The following NRG2 variants were observed in gnomAD, a reference collection of about 807,000 sequenced individuals.
The protein encoded by NRG2 is neuregulin 2.
Under a neutral mutation model 73.9 loss-of-function variants are expected in NRG2, and 27 were observed. That is an observed-to-expected ratio of 0.37 (90% confidence interval 0.27 to 0.50). The LOEUF (loss-of-function observed/expected upper bound fraction) is 0.50. Ranked by LOEUF, NRG2 falls within the 20% of genes least tolerant of loss-of-function variation. NRG2 has a pLI of 0.96. For synonymous variants in NRG2, 532 were observed against 541.0 expected, an observed-to-expected ratio of 0.98 and a Z score of 0.23; for missense variants, 1,126 against 1,210.1, an observed-to-expected ratio of 0.93 and a Z score of 1.03.
At chr5:139,996,226 T>C (rs1482345571) in intron 1 of NRG2, among the ~76,000 whole-genome samples, 2 of 152,250 alleles carry the variant, frequency 1.3e-5, no homozygotes, top group East Asian at 3.8e-4. Flanking sequence ...CTGTACATAG[T>C]ACTTTGGAAC....
intron 1 of NRG2, among the ~76,000 whole-genome samples, chr5:139,933,085 G>C (rs1485676715): frequency 2.0e-5 from 3 of 152,096 alleles, no homozygotes; most frequent in African/African-American, 7.2e-5. Context: ...GACCAGCCTG[G>C]CCAACATGGT....
At chr5:139,940,597 C>T (rs1195003998) in intron 1 of NRG2, among the ~76,000 whole-genome samples, 2 of 151,992 alleles carry the variant, frequency 1.3e-5, no homozygotes, top group Non-Finnish European at 2.9e-5. Context: ...GAATAGACTC[C>T]AAAGTTCATA....
intron 3 of NRG2, 26 bp downstream of exon 3, chr5:139,880,830 C>A: frequency 6.3e-7 from 1 of 1,598,248 alleles, no homozygotes; most frequent in Non-Finnish European, 8.6e-7. Context: ...CCTCTAGGAC[C>A]CTTCCCTCTG....
At chr5:139,859,984 G>A in intron 5 of NRG2, 1 of 1,477,418 alleles carries the variant, frequency 6.8e-7, no homozygotes. Flanking sequence ...GGGGACAGGG[G>A]GAGAGAGAGA....
At chr5:139,992,700 T>C (rs1298136112) in intron 1 of NRG2, among the ~76,000 whole-genome samples, 2 of 152,194 alleles carry the variant, frequency 1.3e-5, no homozygotes, top group African/African-American at 4.8e-5. Context: ...AGCCTAAAAA[T>C]AGAACTTAAT....
At chr5:139,987,293 G>A (rs1323568111) in intron 1 of NRG2, among the ~76,000 whole-genome samples, 1 of 150,822 alleles carries the variant, frequency 6.6e-6, no homozygotes, top group Non-Finnish European at 1.5e-5. Flanking sequence ...TCTTGAACCC[G>A]GGAGGCGGAA....
chr5:139,925,557 T>G (rs1183331134), intron 1 of NRG2, among the ~76,000 whole-genome samples: 1 of 152,196 alleles, frequency 6.6e-6, no homozygotes, highest in Non-Finnish European at 1.5e-5. Context: ...AAATATTATC[T>G]TTGGTTTCTA....
At chr5:139,902,553 T>C (rs1419327425) in intron 1 of NRG2, among the ~76,000 whole-genome samples, 1 of 152,184 alleles carries the variant, frequency 6.6e-6, no homozygotes, top group Admixed American at 6.5e-5. Flanking sequence ...TACTTGCTCA[T>C]GCTTTCCATG....
intron 1 of NRG2, among the ~76,000 whole-genome samples, chr5:140,021,788 G>C (rs140203967): frequency 6.6e-6 from 1 of 152,278 alleles, no homozygotes; most frequent in Non-Finnish European, 1.5e-5. Context: ...GGAACACAAC[G>C]CATGAAACAA....
chr5:140,035,052 T>C (rs1761406045), intron 1 of NRG2, among the ~76,000 whole-genome samples: 1 of 152,116 alleles, frequency 6.6e-6, no homozygotes, highest in Non-Finnish European at 1.5e-5. Flanking sequence ...CGAAACCCTA[T>C]CTCTGCAAAG....
rs1761531552 is a variant in NRG2, at chr5:139,852,713, G to C, written c.1417-154C>G. Among the ~76,000 whole-genome samples, 1 of 152,216 alleles carries C rather than the reference G, an allele frequency of 6.6e-6. No individual in the cohort carries two copies. The highest frequency in any genetic ancestry group is 1.5e-5 in the Non-Finnish European group (1 of 68,042). On this transcript the variant is annotated intron_variant, in intron 7 of 9. Transcript: ENST00000361474. The surrounding 1 kb of genome is among the most constrained non-coding windows in gnomAD (Gnocchi z 4.4). ...TGATGTTGGGGCAGCGATGGCTCCA[G>C]CAAATCAACCCCCACCCCTTCCTCA...
rs1414582738 is a variant in NRG2 at position 139,848,031 on chromosome 5, G to C, written c.2439C>G (p.Cys813Trp). 2.0e-6 allele frequency: 3 copies of C among 1,509,690 alleles called. No homozygotes were observed. The East Asian group carries it at 8.1e-5, about 41-fold the overall frequency. 93.5% of individuals were successfully genotyped at this position (1,509,690 alleles called of 1,614,324 possible). A position where few individuals can be genotyped will look rare whatever the true frequency, so the allele number is the denominator to read the frequency against. Residue 813 changes from cysteine to tryptophan, a missense_variant, in exon 10 of 10, where the codon TGC (cysteine) becomes TGG (tryptophan). By Grantham distance (215) the Cys-to-Trp change is radical. Coordinates refer to ENST00000361474, the MANE Select transcript of NRG2 (RefSeq NM_004883.3). ...DALRSDSPPL[C>W]PAADSRTYYS... Reference sequence around the variant, plus strand: ...AGTAAGTCCTGCTGTCGGCCGCCGGGCACAGTGGCGGCGAGTCCGAGCGCA... The same window carrying C: ...AGTAAGTCCTGCTGTCGGCCGCCGGCCACAGTGGCGGCGAGTCCGAGCGCA...
Position 139,848,514 on chromosome 5 carries a change from C to G in NRG2, c.1956G>C (p.Ala652=). ...AEQQPLLRHP[A]PPGPGPGPGP... ...CGGGTCCGGGTCCCGGGCCGGGGGG[C>G]GCCGGGTGCCGCAGTAACGGCTGCT... Residue 652 remains alanine (A), a synonymous_variant, in exon 10 of 10, where the codon GCG becomes GCC. Coordinates refer to ENST00000361474, the MANE Select transcript of NRG2 (RefSeq NM_004883.3). 3.6e-6 allele frequency: 5 copies of G among 1,385,710 alleles called. No homozygotes were observed. Among genetic ancestry groups the G allele is most frequent in the Non-Finnish European group, 4.6e-6 (5 of 1,082,124 alleles). 85.8% of individuals were successfully genotyped at this position (1,385,710 alleles called of 1,614,324 possible).
At position 140,042,489 on chromosome 5, in the gene NRG2, T is replaced by A. The variant is rs767849251; in HGVS notation, c.581A>T (p.Tyr194Phe). 24 of 1,613,706 alleles carry A rather than the reference T, an allele frequency of 1.5e-5. No homozygotes were observed. The African/African-American group carries it at 3.2e-4, about 22-fold the overall frequency. Residue 194 changes from tyrosine to phenylalanine, a missense_variant, in exon 1 of 10, where the codon TAC becomes TTC. Physicochemically the swap from Tyr to Phe is conservative, Grantham distance 22 (BLOSUM62 3). Transcript: ENST00000361474. ...SCVPLERNQR[Y>F]IFFLEPTEQP... Reference sequence around the variant, plus strand: ...TTCCGTGGGCTCCAGGAAAAAGATGTAGCGCTGGTTCCTTTCGAGCGGCAC... The same window carrying A: ...TTCCGTGGGCTCCAGGAAAAAGATGAAGCGCTGGTTCCTTTCGAGCGGCAC...
chr5:139,862,093 A>G (rs1762181948), intron 5 of NRG2, among the ~76,000 whole-genome samples: 1 of 152,194 alleles, frequency 6.6e-6, no homozygotes, highest in Non-Finnish European at 1.5e-5. Context: ...TTTCCTGCCC[A>G]CTGAGTTTCT....
rs1762771894 is a variant in NRG2 at position 139,870,547 on chromosome 5, G to C, written c.1112+1174C>G. On this transcript the variant is annotated intron_variant, in intron 4 of 9. Coordinates refer to ENST00000361474, the MANE Select transcript of NRG2 (RefSeq NM_004883.3). This position sits in a 1 kb window ranked among gnomAD's most constrained non-coding sequence, Gnocchi z 4.4. ...GGGAGATCAGAGGCAGGGGAGCTGA[G>C]AAGTGTTGAGTCTGACCTTGCCTGG... Among the ~76,000 whole-genome samples the C allele has an allele frequency of 6.6e-6, 1 of 152,184 alleles. No homozygotes were observed. The highest frequency in any genetic ancestry group is 1.5e-5 in the Non-Finnish European group (1 of 68,012).
Position 139,852,372 on chromosome 5 carries a change from A to G in NRG2, c.1544+60T>C. The G allele has an allele frequency of 1.3e-6, 2 of 1,579,706 alleles. No homozygotes were observed. Among genetic ancestry groups the G allele is most frequent in the Non-Finnish European group, 1.7e-6 (2 of 1,163,060 alleles). ...GCTCTGGATGTCGGAGTAAGTGGGC[A>G]CTTTGCGCCAGATGAAGTATGTGAG... On this transcript the variant is annotated intron_variant, in intron 8 of 9. Coordinates refer to ENST00000361474, the MANE Select transcript of NRG2 (RefSeq NM_004883.3). The surrounding 1 kb of genome is among the most constrained non-coding windows in gnomAD (Gnocchi z 4.4).
intron 9 of NRG2, among the ~76,000 whole-genome samples, chr5:139,850,274 T>G (rs909146053): frequency 6.6e-6 from 1 of 152,204 alleles, no homozygotes; most frequent in Admixed American, 6.5e-5. Context: ...GTTCTCCCTG[T>G]TCTACAGCTG....
At chr5:139,940,617 A>T (rs909664891) in intron 1 of NRG2, among the ~76,000 whole-genome samples, 3 of 152,242 alleles carry the variant, frequency 2.0e-5, no homozygotes, top group African/African-American at 7.2e-5. Context: ...AGTTAAGTGG[A>T]AAAAACTAGG....
Sources: gnomAD v4.1 joint callset for allele counts (sites outside exome capture counted in the v4.1 genomes callset) on GRCh38, gnomAD v4.1.1 for gene constraint, Gnocchi (gnomAD v3.1) non-coding constraint, MANE v1.5 for transcripts, NCBI Gene and HGNC (gene_info 2026-07-23, HGNC 2026-07-21) for gene names.